The following NOXA1 variants were observed in gnomAD, a reference collection of about 807,000 sequenced individuals.
NOXA1 encodes NCF2-like protein.
Under a neutral mutation model 64.8 loss-of-function variants are expected in NOXA1, and 56 were observed. That is an observed-to-expected ratio of 0.86 (90% CI 0.70 to 1.08). The LOEUF (loss-of-function observed/expected upper bound fraction) is 1.08. Ranked by LOEUF, NOXA1 falls within the 50% of genes least tolerant of loss-of-function variation. The pLI, the probability that NOXA1 is intolerant of heterozygous loss-of-function variation, is 0.00. For synonymous variants in NOXA1, 295 were observed against 294.8 expected (o/e 1.00, Z -0.01); for missense variants, 668 against 658.5 (o/e 1.01, Z -0.16).
intron 9 of NOXA1, 60 bp downstream of exon 9, chr9:137,433,134 T>C: frequency 1.2e-6 from 2 of 1,609,340 alleles, no homozygotes; most frequent in Non-Finnish European, 1.7e-6. Context: ...GGTGCATGGG[T>C]GCCGGCTGCC....
Position 137,431,474 on chromosome 9 carries a change from C to A in NOXA1, c.804+133C>A. 3 of 758,736 alleles carry A rather than the reference C, an allele frequency of 4.0e-6. No homozygotes were observed. Among genetic ancestry groups the A allele is most frequent in the Non-Finnish European group, 6.5e-6 (3 of 462,640 alleles). The allele number at this position is 758,736 out of a possible 1,614,324, so 47.0% of individuals were successfully genotyped here. ...GGGGGGTAGACGGGGCCGGGCTCAC[C>A]CGTGGTCCTGGCCCAGCCCAGCCAG... On this transcript the variant is annotated intron_variant, in intron 8 of 13. Transcript: ENST00000683555. This position sits in a 1 kb window ranked among gnomAD's most constrained non-coding sequence, Gnocchi z 5.6.
chr9:137,425,825 T>A (rs1838826732), intron 1 of NOXA1, among the ~76,000 whole-genome samples: 1 of 149,066 alleles, frequency 6.7e-6, no homozygotes, highest in Non-Finnish European at 1.5e-5. Context: ...TGAGCCAAGA[T>A]CGAGCCACTG....
At chr9:137,427,539 G>C (rs556350105) in intron 2 of NOXA1, among the ~76,000 whole-genome samples, 29 of 152,350 alleles carry the variant, frequency 1.9e-4, no homozygotes, top group African/African-American at 6.3e-4. Flanking sequence ...CTGTGGGACT[G>C]TCCCTTTCTG....
chr9:137,426,135 G>A (rs1257457203), intron 1 of NOXA1, 113 bp from the exon 2 acceptor site: 5 of 957,138 alleles, frequency 5.2e-6, no homozygotes, highest in Non-Finnish European at 8.4e-6. Context: ...GGGCTGTGGG[G>A]GGTCCCCAGG....
At chr9:137,428,750 G>T (rs1588464173) in intron 3 of NOXA1, 132 bp from the exon 4 acceptor site, 1 of 769,998 alleles carries the variant, frequency 1.3e-6, no homozygotes, top group South Asian at 1.9e-5. Flanking sequence ...GTGGGGGGAT[G>T]GGGGAGGGGC....
chr9:137,425,167 C>T (rs1838800822), intron 1 of NOXA1, among the ~76,000 whole-genome samples: 1 of 152,186 alleles, frequency 6.6e-6, no homozygotes, highest in Non-Finnish European at 1.5e-5. Flanking sequence ...CAAGCCCCCA[C>T]TCAGCCAGAT....
At chr9:137,423,786 C>T (rs1021686369) in intron 1 of NOXA1, 80 bp downstream of exon 1, 10 of 1,116,670 alleles carry the variant, frequency 9.0e-6, no homozygotes, top group Middle Eastern at 3.5e-4. Flanking sequence ...CCCTCCCCGA[C>T]CGTCACGGGG....
rs1199614610 is a variant in NOXA1, at chr9:137,433,574, C to G, written c.1031C>G (p.Ala344Gly). Residue 344 changes from alanine to glycine, a missense_variant, in exon 11 of 14, where the codon GCC becomes GGC. Transcript: ENST00000683555. Reference sequence around the variant, plus strand: ...AGCCTGCGGGCACTGCTGGGCCAAGCCCTCCCTCACCAGGCCCAGCTTGGG... The same window carrying G: ...AGCCTGCGGGCACTGCTGGGCCAAGGCCTCCCTCACCAGGCCCAGCTTGGG... ...LSSLRALLGQALPHQAQLGQL... is the reference protein window; with the variant it reads ...LSSLRALLGQGLPHQAQLGQL... 5.8e-6 allele frequency: 9 copies of G among 1,560,858 alleles called. No individual in the cohort carries two copies. Among genetic ancestry groups the G allele is most frequent in the Non-Finnish European group, 7.8e-6 (9 of 1,154,948 alleles).
chr9:137,431,302 C>G lies in NOXA1; in HGVS notation c.765C>G (p.Val255=). The change falls in exon 8 of 14, where the codon GTC becomes GTG. Residue 255 remains valine, a synonymous_variant. Transcript: ENST00000683555. The surrounding 1 kb of genome is among the most constrained non-coding windows in gnomAD (Gnocchi z 5.6). ...GCCCCCTCGATGCAGAGACAGAGGT[C>G]GGTGCTGACCGCTGCACGTCGACTG... The part of the protein sequence containing the change: ...HQGPLDAETE[V]GADRCTSTAY... The G allele has an allele frequency of 6.2e-7, 1 of 1,611,846 alleles. No individual in the cohort carries two copies. Among genetic ancestry groups the G allele is most frequent in the Non-Finnish European group, 8.5e-7 (1 of 1,179,942 alleles).
intron 3 of NOXA1, 45 bp downstream of exon 3, chr9:137,428,186 C>G: frequency 1.4e-6 from 2 of 1,417,768 alleles, no homozygotes; most frequent in Non-Finnish European, 1.9e-6. Flanking sequence ...GTGGGGTGTC[C>G]ACGGGCGGTG....
At chr9:137,433,667 C>T in intron 11 of NOXA1, 60 bp downstream of exon 11, 1 of 1,515,494 alleles carries the variant, frequency 6.6e-7, no homozygotes, top group Non-Finnish European at 8.9e-7. Context: ...ACTGAGGCAG[C>T]TGCTGGAAGA....
chr9:137,429,492 G>A (rs1172911893), intron 5 of NOXA1, 109 bp downstream of exon 5: 1 of 757,822 alleles, frequency 1.3e-6, no homozygotes, highest in East Asian at 2.8e-5. Context: ...GGGCCAGGAG[G>A]GTAGAGAGTG....
intron 2 of NOXA1, among the ~76,000 whole-genome samples, chr9:137,427,287 G>A (rs1838880597): frequency 6.6e-6 from 1 of 152,250 alleles, no homozygotes; most frequent in Admixed American, 6.5e-5. Flanking sequence ...GGTCAGAAGG[G>A]GTAAGACGTA....
Position 137,430,375 on chromosome 9 carries a change from C to G in NOXA1, c.613-409C>G, listed in dbSNP as rs545150117. On this transcript the variant is annotated intron_variant, in intron 5 of 13. Coordinates refer to ENST00000683555, the MANE Select transcript of NOXA1 (RefSeq NM_001256067.2). ...CACCCTTGGCTGGCCACGCCCCGGACTGGCCACGCCCCATTGGCTGGCCAC... is the reference window on the plus strand; with the variant it reads ...CACCCTTGGCTGGCCACGCCCCGGAGTGGCCACGCCCCATTGGCTGGCCAC... Among the ~76,000 whole-genome samples, 17 of 152,170 alleles carry G rather than the reference C, an allele frequency of 1.1e-4. No homozygotes were observed. The East Asian group carries it at 3.3e-3, about 29-fold the overall frequency.
At position 137,427,953 on chromosome 9, in the gene NOXA1, G is replaced by A. The variant is rs371488050; in HGVS notation, c.261-80G>A. The A allele has an allele frequency of 5.5e-4, 540 of 977,078 alleles. 8 individuals are homozygous for A. The South Asian group carries it at 7.3e-3, about 13-fold the overall frequency. 60.5% of individuals were successfully genotyped at this position (977,078 alleles called of 1,614,324 possible). A position where few individuals can be genotyped will look rare whatever the true frequency, so the allele number is the denominator to read the frequency against. ...TGGAACCAGGTGTTGGGGGCGGCTC[G>A]AGCGGGGCTGGTGTGAAAGCTGCCT... On this transcript the variant is annotated intron_variant, in intron 2 of 13. Coordinates refer to ENST00000683555, the MANE Select transcript of NOXA1 (RefSeq NM_001256067.2).
At chr9:137,434,193 C>T (rs373727662) in intron 13 of NOXA1, 31 bp from the exon 14 acceptor site, 47 of 1,593,800 alleles carry the variant, frequency 2.9e-5, no homozygotes, top group Admixed American at 2.0e-4. Context: ...GCCTGGGTAA[C>T]GCCCTGCAGA....
chr9:137,429,868 C>T (rs1169022705), intron 5 of NOXA1, among the ~76,000 whole-genome samples: 74 of 90,854 alleles, frequency 8.1e-4, no homozygotes, highest in African/African-American at 3.1e-3. Flanking sequence ...GGGGTCCCTG[C>T]GTCCCTGCCA....
chr9:137,433,944 C>T, intron 12 of NOXA1, 21 bp from the exon 13 acceptor site: 1 of 1,535,192 alleles, frequency 6.5e-7, no homozygotes. Context: ...GCCCGACCTG[C>T]AGCCCACTCT....
chr9:137,423,578 G>A lies in NOXA1; in HGVS notation c.49G>A (p.Ala17Thr). 1 of 1,480,158 alleles carries A rather than the reference G, an allele frequency of 6.8e-7. No homozygotes were observed. The highest frequency in any genetic ancestry group is 9.0e-7 in the Non-Finnish European group (1 of 1,115,968). 91.7% of individuals were successfully genotyped at this position (1,480,158 alleles called of 1,614,324 possible). The change falls in exon 1 of 14, where the codon GCT becomes ACT. Residue 17 changes from alanine to threonine, a missense_variant. By Grantham distance (58) the Ala-to-Thr change is moderately conservative. Coordinates refer to ENST00000683555, the MANE Select transcript of NOXA1 (RefSeq NM_001256067.2). ...LVRAWHLGAQ[A>T]VDRGDWARAL... ...GCGCGCCTGGCACCTGGGCGCGCAG[G>A]CTGTGGATCGTGGGGACTGGGCCCG...
Sources: gnomAD v4.1 joint callset for allele counts (sites outside exome capture counted in the v4.1 genomes callset) on GRCh38, gnomAD v4.1.1 for gene constraint, Gnocchi (gnomAD v3.1) non-coding constraint, MANE v1.5 for transcripts, NCBI Gene and HGNC (gene_info 2026-07-23, HGNC 2026-07-21) for gene names.